The following PAK5 variants were observed in gnomAD, a reference collection of about 807,000 sequenced individuals.
PAK5 encodes serine/threonine-protein kinase PAK 5.
Under a neutral mutation model 65.9 loss-of-function variants are expected in PAK5, and 16 were observed. The ratio of observed to expected loss-of-function variants is 0.24; its 90% CI spans 0.16 to 0.37. The LOEUF (loss-of-function observed/expected upper bound fraction) is 0.37. Ranked by LOEUF, PAK5 falls within the 10% of genes least tolerant of loss-of-function variation. The pLI is 1.00. For synonymous variants in PAK5, 371 were observed against 354.9 expected, an observed-to-expected ratio of 1.05 and a Z score of -0.51; for missense variants, 785 against 903.9, an observed-to-expected ratio of 0.87 and a Z score of 1.69.
rs528489513 is a variant in PAK5 at position 9,537,979 on chromosome 20, G to A, written c.*1483C>T. On this transcript the variant is annotated 3_prime_UTR_variant, in exon 10 of 10. Coordinates refer to ENST00000353224, the MANE Select transcript of PAK5 (RefSeq NM_177990.4). ...CTATCACAAATTTAAATTCATATTT[G>A]TTACAGTATGTGAAATAGTTAAGAA... The A allele has an allele frequency of 8.6e-6, 2 of 231,556 alleles. No homozygotes were observed. Among genetic ancestry groups the A allele is most frequent in the Non-Finnish European group, 1.7e-5 (2 of 116,922 alleles). The allele number at this position is 231,556 out of a possible 1,614,324, so 14.3% of individuals were successfully genotyped here. A position where few individuals can be genotyped will look rare whatever the true frequency, so the allele number is the denominator to read the frequency against.
chr20:9,705,573 G>A (rs1328980621), intron 2 of PAK5, among the ~76,000 whole-genome samples: 1 of 151,908 alleles, frequency 6.6e-6, no homozygotes, highest in Non-Finnish European at 1.5e-5. Flanking sequence ...CATTTTGATC[G>A]AGACTGTCCT....
At chr20:9,552,035 C>A (rs2045436523) in intron 7 of PAK5, among the ~76,000 whole-genome samples, 1 of 152,214 alleles carries the variant, frequency 6.6e-6, no homozygotes. Flanking sequence ...TGTGGTACAA[C>A]TCACCCTCCT....
intron 1 of PAK5, among the ~76,000 whole-genome samples, chr20:9,812,961 A>G (rs532433287): frequency 6.6e-6 from 1 of 152,290 alleles, no homozygotes; most frequent in South Asian, 2.1e-4. Flanking sequence ...TCCATAAAAA[A>G]TAAAAATAAA....
At chr20:9,541,486 C>G (rs1259818631) in intron 9 of PAK5, among the ~76,000 whole-genome samples, 2 of 152,220 alleles carry the variant, frequency 1.3e-5, no homozygotes, top group Non-Finnish European at 2.9e-5. Context: ...TCCTGCCCAT[C>G]TCTCTGACAA....
intron 1 of PAK5, among the ~76,000 whole-genome samples, chr20:9,712,794 C>T (rs1287489840): frequency 6.6e-6 from 1 of 152,046 alleles, no homozygotes; most frequent in Non-Finnish European, 1.5e-5. Flanking sequence ...ATAAATGATG[C>T]TAGGAAAACC....
chr20:9,595,118 T>C lies in PAK5; in HGVS notation c.205-14188A>G, dbSNP rs1382115678. The stretch of plus-strand genomic sequence containing the variant: ...ATATACATATATATACACATATACA[T>C]ATATATAGAGAGAGAGAGAGATAGT... On this transcript the variant is annotated intron_variant, in intron 3 of 9. Transcript: ENST00000353224. Among the ~76,000 whole-genome samples the C allele has an allele frequency of 5.3e-5, 8 of 150,522 alleles. No homozygotes were observed. The South Asian group carries it at 1.0e-3, about 20-fold the overall frequency.
chr20:9,610,166 G>A (rs912827423), intron 3 of PAK5, among the ~76,000 whole-genome samples: 5 of 152,044 alleles, frequency 3.3e-5, no homozygotes, highest in African/African-American at 1.2e-4. Flanking sequence ...ACCGCCATAC[G>A]CAAAGCCGAA....
At chr20:9,790,781 G>C (rs913562884) in intron 1 of PAK5, among the ~76,000 whole-genome samples, 3 of 152,116 alleles carry the variant, frequency 2.0e-5, no homozygotes, top group Non-Finnish European at 4.4e-5. Context: ...TGGCAGGTGT[G>C]AGCCACTGCA....
At chr20:9,755,233 T>C (rs1344411688) in intron 1 of PAK5, among the ~76,000 whole-genome samples, 1 of 152,228 alleles carries the variant, frequency 6.6e-6, no homozygotes, top group Non-Finnish European at 1.5e-5. Flanking sequence ...ATCCTGCATA[T>C]GCAATCAGCT....
intron 3 of PAK5, among the ~76,000 whole-genome samples, chr20:9,639,033 A>T (rs1041865929): frequency 6.6e-6 from 1 of 152,204 alleles, no homozygotes; most frequent in African/African-American, 2.4e-5. Context: ...AATTTTGCCA[A>T]AATGGCTTTA....
intron 3 of PAK5, among the ~76,000 whole-genome samples, chr20:9,601,342 A>G (rs2046355669): frequency 6.6e-6 from 1 of 152,214 alleles, no homozygotes; most frequent in Non-Finnish European, 1.5e-5. Flanking sequence ...TGGGGGAAAG[A>G]GGTCAGGAGA....
intron 3 of PAK5, among the ~76,000 whole-genome samples, chr20:9,592,309 T>C (rs1195595502): frequency 1.3e-5 from 2 of 152,208 alleles, no homozygotes; most frequent in Admixed American, 6.5e-5. Context: ...GTAATATCCA[T>C]GTAACAAACA....
chr20:9,820,962 T>C (rs1206127179), intron 1 of PAK5, among the ~76,000 whole-genome samples: 1 of 152,130 alleles, frequency 6.6e-6, no homozygotes, highest in Non-Finnish European at 1.5e-5. Context: ...CTGATAGCTC[T>C]CCCCAAATTT....
chr20:9,703,063 T>G (rs1483195516), intron 2 of PAK5, among the ~76,000 whole-genome samples: 1 of 152,170 alleles, frequency 6.6e-6, no homozygotes, highest in African/African-American at 2.4e-5. Flanking sequence ...TAAAACCTTT[T>G]TAACATGCAT....
At chr20:9,709,631 C>T (rs377627358) in intron 2 of PAK5, among the ~76,000 whole-genome samples, 31 of 152,000 alleles carry the variant, frequency 2.0e-4, no homozygotes, top group East Asian at 3.9e-4. Context: ...TGTTTTCTAA[C>T]GACAAAAAGC....
At chr20:9,822,821 G>A (rs2123775192) in intron 1 of PAK5, among the ~76,000 whole-genome samples, 1 of 152,274 alleles carries the variant, frequency 6.6e-6, no homozygotes, top group East Asian at 1.9e-4. Context: ...ACATTCTCTG[G>A]GAACAGCCTT....
chr20:9,606,654 T>C (rs1014490818), intron 3 of PAK5, among the ~76,000 whole-genome samples: 4 of 152,194 alleles, frequency 2.6e-5, no homozygotes, highest in East Asian at 1.9e-4. Flanking sequence ...AAATGTATAG[T>C]TGGCAACGGT....
rs535461115 is a variant in PAK5 at position 9,815,198 on chromosome 20, C to A, written c.-162+23564G>T. On this transcript the variant is annotated intron_variant, in intron 1 of 9. Transcript: ENST00000353224. ...CCCCCATGATCCAAACACTTCCTAC[C>A]AGGCCCACCTCCAACACTGAGGATC... Among the ~76,000 whole-genome samples, 5 of 152,274 alleles carry A rather than the reference C, an allele frequency of 3.3e-5. No homozygotes were observed. The East Asian group carries it at 9.7e-4, about 29-fold the overall frequency.
intron 1 of PAK5, among the ~76,000 whole-genome samples, chr20:9,762,623 G>A (rs528942451): frequency 1.3e-5 from 2 of 152,222 alleles, no homozygotes; most frequent in East Asian, 3.8e-4. Flanking sequence ...AATAATAAGT[G>A]TTGGTAAAGA....
Sources: gnomAD v4.1 joint callset for allele counts (sites outside exome capture counted in the v4.1 genomes callset) on GRCh38, gnomAD v4.1.1 for gene constraint, MANE v1.5 for transcripts, NCBI Gene and HGNC (gene_info 2026-07-23, HGNC 2026-07-21) for gene names.